Variants in GRM5 observed in about 807,000 individuals in gnomAD.
GRM5 encodes glutamate metabotropic receptor 5.
In GRM5, 19 loss-of-function variants were observed where a neutral mutation model predicts 83.1. That is an observed-to-expected ratio of 0.23 (90% CI 0.16 to 0.34). GRM5 has a LOEUF of 0.34. GRM5 is among the 10% of genes least tolerant of loss of function. The pLI, the probability that GRM5 is intolerant of heterozygous loss-of-function variation, is 1.00. For synonymous variants in GRM5, 675 were observed against 633.6 expected, an observed-to-expected ratio of 1.07 and a Z score of -0.98; for missense variants, 1,160 against 1,588.3, an observed-to-expected ratio of 0.73 and a Z score of 4.58.
Position 88,654,279 on chromosome 11 carries a change from G to GA in GRM5, c.912-877dup, listed in dbSNP as rs543669227. On this transcript the variant is annotated intron_variant, in intron 3 of 9. Transcript: ENST00000305447. ...AAGTAAAGTCTTCTACAATGATTTG[G>GA]AAAATACATGAAACATTGTATTGGA... Among the ~76,000 whole-genome samples the GA allele has an allele frequency of 1.1e-4, 16 of 152,172 alleles. 1 individual carries two copies. In the South Asian group the frequency reaches 1.9e-3, roughly 18 times the overall value.
chr11:88,859,165 T>C (rs556723914), intron 2 of GRM5, among the ~76,000 whole-genome samples: 44 of 152,158 alleles, frequency 2.9e-4, no homozygotes, highest in African/African-American at 1.0e-3. Flanking sequence ...AGAAGATATA[T>C]AGGAGTAGGC....
At chr11:88,827,154 C>G (rs1161235440) in intron 3 of GRM5, among the ~76,000 whole-genome samples, 1 of 152,106 alleles carries the variant, frequency 6.6e-6, no homozygotes, top group Admixed American at 6.5e-5. Flanking sequence ...TTACAAACCT[C>G]TATGTAAATA....
At chr11:88,578,502 A>T (rs944493441) in intron 7 of GRM5, among the ~76,000 whole-genome samples, 1 of 152,152 alleles carries the variant, frequency 6.6e-6, no homozygotes, top group African/African-American at 2.4e-5. Flanking sequence ...CAAATTTATC[A>T]TTGTGAAGAA....
At chr11:89,023,164 T>TGC (rs1295077984) in intron 2 of GRM5, among the ~76,000 whole-genome samples, 103 of 151,134 alleles carry the variant, frequency 6.8e-4, no homozygotes, top group East Asian at 1.8e-3. Flanking sequence ...TGTGTGTGTG[T>TGC]GCGCGCGCGT....
At chr11:88,980,373 C>T (rs1397219336) in intron 2 of GRM5, among the ~76,000 whole-genome samples, 2 of 152,114 alleles carry the variant, frequency 1.3e-5, no homozygotes, top group African/African-American at 4.8e-5. Flanking sequence ...GAACATTAAG[C>T]AGGAGAGAGA....
intron 3 of GRM5, among the ~76,000 whole-genome samples, chr11:88,720,700 G>T (rs541521386): frequency 6.6e-6 from 1 of 151,926 alleles, no homozygotes; most frequent in African/African-American, 2.4e-5. Flanking sequence ...ATTGGAGAGC[G>T]TCCTTCTGTC....
chr11:88,588,685 C>T (rs1217276398), intron 7 of GRM5, among the ~76,000 whole-genome samples: 5 of 152,080 alleles, frequency 3.3e-5, no homozygotes, highest in Non-Finnish European at 7.4e-5. Context: ...AATTATATGA[C>T]CACAAATTTA....
intron 2 of GRM5, among the ~76,000 whole-genome samples, chr11:88,961,511 G>C (rs1481127796): frequency 4.6e-5 from 7 of 152,044 alleles, no homozygotes; most frequent in Non-Finnish European, 2.9e-5. Context: ...GACCTCATTT[G>C]TCTCACAGAT....
intron 4 of GRM5, among the ~76,000 whole-genome samples, chr11:88,626,578 C>A (rs991190217): frequency 1.3e-5 from 2 of 152,116 alleles, no homozygotes; most frequent in Admixed American, 1.3e-4. Context: ...AAGAAATATT[C>A]CTAATATTGT....
chr11:88,538,890 C>G (rs1425203016), intron 8 of GRM5, among the ~76,000 whole-genome samples: 1 of 152,224 alleles, frequency 6.6e-6, no homozygotes, highest in African/African-American at 2.4e-5. Context: ...AAAATGCTGG[C>G]TACAAATAGT....
chr11:88,597,389 A>C, intron 5 of GRM5, 37 bp from the exon 6 acceptor site: 1 of 1,122,892 alleles, frequency 8.9e-7, no homozygotes, highest in Non-Finnish European at 1.3e-6. Context: ...GCAGCTTAAG[A>C]TGTAAATACT....
intron 3 of GRM5, among the ~76,000 whole-genome samples, chr11:88,684,841 G>A (rs534312915): frequency 3.9e-5 from 6 of 152,294 alleles, no homozygotes; most frequent in African/African-American, 1.4e-4. Context: ...TGTAAGAAGT[G>A]CCTTTTGCCT....
chr11:88,791,302 T>C (rs1943168053), intron 3 of GRM5, among the ~76,000 whole-genome samples: 2 of 152,202 alleles, frequency 1.3e-5, no homozygotes, highest in African/African-American at 2.4e-5. Flanking sequence ...CAGCTGAATA[T>C]GCAGGTGAAT....
intron 4 of GRM5, among the ~76,000 whole-genome samples, chr11:88,652,251 G>A (rs894297423): frequency 1.3e-5 from 2 of 151,822 alleles, no homozygotes; most frequent in African/African-American, 4.8e-5. Flanking sequence ...AATGCATATG[G>A]GTTTCTTATA....
At chr11:88,524,227 T>C (rs1304360810) in intron 9 of GRM5, among the ~76,000 whole-genome samples, 2 of 145,422 alleles carry the variant, frequency 1.4e-5, no homozygotes, top group Non-Finnish European at 3.0e-5. Flanking sequence ...TTTTTTTTTT[T>C]TTTTTTTTGA....
At chr11:88,532,912 C>T (rs976445) in intron 8 of GRM5, among the ~76,000 whole-genome samples, 56,169 of 151,840 alleles carry the variant, frequency 0.37, 11,109 homozygotes, top group East Asian at 0.63. Flanking sequence ...GCAAAACATA[C>T]CTAAAATCTG....
chr11:88,805,919 G>A (rs1943492275), intron 3 of GRM5, among the ~76,000 whole-genome samples: 2 of 152,068 alleles, frequency 1.3e-5, no homozygotes, highest in South Asian at 4.2e-4. Context: ...TCTGATCAAG[G>A]CTTCTATTTC....
At chr11:88,726,373 G>T (rs1444945106) in intron 3 of GRM5, among the ~76,000 whole-genome samples, 2 of 152,142 alleles carry the variant, frequency 1.3e-5, no homozygotes, top group African/African-American at 2.4e-5. Flanking sequence ...AAGCCTCCAA[G>T]ATATATGGGA....
At chr11:88,855,118 T>C (rs1944451866) in intron 2 of GRM5, among the ~76,000 whole-genome samples, 1 of 151,904 alleles carries the variant, frequency 6.6e-6, no homozygotes, top group African/African-American at 2.4e-5. Context: ...ACCAAACTAT[T>C]ATAATAATAG....
Sources: allele counts gnomAD v4.1 joint callset (sites outside exome capture counted in the v4.1 genomes callset), GRCh38; gene constraint gnomAD v4.1.1; transcripts MANE v1.5; gene names NCBI Gene and HGNC (gene_info 2026-07-23, HGNC 2026-07-21).